EPHA6: variants seen among roughly 807,000 people sequenced by gnomAD.
EPHA6 encodes the protein ephrin type-A receptor 6.
EPHA6 carries 50 observed loss-of-function variants against 112.0 expected under a neutral mutation model. The ratio of observed to expected loss-of-function variants is 0.45; its 90% CI spans 0.36 to 0.56. The LOEUF (loss-of-function observed/expected upper bound fraction) is 0.56, where lower values mean the gene tolerates loss of function less well. Among genes scored for constraint, EPHA6 ranks in the 20% least tolerant of loss-of-function variants. The pLI is 0.00. For missense variants in EPHA6, 1,280 were observed against 1,417.4 expected, an observed-to-expected ratio of 0.90 and a Z score of 1.56; for synonymous variants, 529 against 490.7, an observed-to-expected ratio of 1.08 and a Z score of -1.03.
At chr3:96,897,155 ACTT>A (rs1479771601) in intron 2 of EPHA6, among the ~76,000 whole-genome samples, 1 of 152,010 alleles carries the variant, frequency 6.6e-6, no homozygotes, top group Non-Finnish European at 1.5e-5. Context: ...ATTTTATACT[ACTT>A]TTCAGGTAAA....
intron 10 of EPHA6, among the ~76,000 whole-genome samples, chr3:97,501,802 A>G (rs2092124508): frequency 6.6e-6 from 1 of 152,108 alleles, no homozygotes; most frequent in Admixed American, 6.5e-5. Context: ...AAGGGAATAA[A>G]AGAAAGTAGA....
intron 3 of EPHA6, among the ~76,000 whole-genome samples, chr3:97,064,907 C>A (rs879269924): frequency 3.9e-5 from 6 of 152,032 alleles, no homozygotes; most frequent in Non-Finnish European, 7.4e-5. Context: ...TCTCAGAAAG[C>A]AAATAAATGG....
At chr3:96,955,434 C>T (rs1178638131) in intron 2 of EPHA6, among the ~76,000 whole-genome samples, 1 of 152,136 alleles carries the variant, frequency 6.6e-6, no homozygotes, top group African/African-American at 2.4e-5. Flanking sequence ...TTATGGTTTT[C>T]ATTAATGGAT....
intron 1 of EPHA6, among the ~76,000 whole-genome samples, chr3:96,861,671 T>A (rs2036014856): frequency 6.6e-6 from 1 of 151,680 alleles, no homozygotes; most frequent in Non-Finnish European, 1.5e-5. Context: ...ATAGATAAAA[T>A]TAAAATAATG....
chr3:97,109,865 G>C (rs2047672836), intron 3 of EPHA6, among the ~76,000 whole-genome samples: 2 of 152,060 alleles, frequency 1.3e-5, no homozygotes, highest in Non-Finnish European at 1.5e-5. Context: ...ATTGTGACAA[G>C]TACAGAAGTG....
At chr3:97,187,700 A>T (rs551885352) in intron 3 of EPHA6, among the ~76,000 whole-genome samples, 1 of 130,466 alleles carries the variant, frequency 7.7e-6, no homozygotes, top group African/African-American at 3.0e-5. Context: ...AAAGAAAGAA[A>T]GAAAGAAAGA....
At chr3:96,822,226 T>C (rs2033315794) in intron 1 of EPHA6, among the ~76,000 whole-genome samples, 1 of 151,982 alleles carries the variant, frequency 6.6e-6, no homozygotes, top group African/African-American at 2.4e-5. Flanking sequence ...AGTTGAGCTT[T>C]TGTTCAAAAT....
intron 2 of EPHA6, among the ~76,000 whole-genome samples, chr3:96,972,685 G>A (rs2042363003): frequency 1.3e-5 from 2 of 151,968 alleles, no homozygotes; most frequent in Non-Finnish European, 2.9e-5. Context: ...GGATACATAC[G>A]CAAGCACACT....
At position 97,694,252 on chromosome 3, in the gene EPHA6, T is replaced by G. The variant is rs371316717; in HGVS notation, c.2785-26009T>G. ...TTTATTTCTTTTTCTTTTTTTTTTT[T>G]GAGATGGAGTCTCCCAGTTGTTGGC... is the stretch of plus-strand genomic sequence containing the variant. On this transcript the variant is annotated intron_variant, in intron 14 of 17. Transcript: ENST00000389672. 1.1e-4 allele frequency among the ~76,000 whole-genome samples: 17 copies of G among 150,888 alleles called. No individual in the cohort carries two copies. In the East Asian group the frequency reaches 1.2e-3, roughly 10 times the overall value.
intron 5 of EPHA6, among the ~76,000 whole-genome samples, chr3:97,250,347 A>G (rs2079100312): frequency 6.6e-6 from 1 of 152,100 alleles, no homozygotes; most frequent in African/African-American, 2.4e-5. Context: ...TTAATCCTAA[A>G]CTTGATTTTG....
At chr3:97,287,401 C>T (rs1353250350) in intron 5 of EPHA6, among the ~76,000 whole-genome samples, 2 of 151,686 alleles carry the variant, frequency 1.3e-5, no homozygotes, top group African/African-American at 2.4e-5. Flanking sequence ...GGAGGCGGAG[C>T]TTGCAGTGAG....
intron 14 of EPHA6, chr3:97,646,377 T>C: frequency 1.9e-6 from 2 of 1,070,124 alleles, no homozygotes; most frequent in Non-Finnish European, 2.5e-6. Flanking sequence ...TTGTCCACAT[T>C]TCAAAATACA....
At chr3:97,528,863 G>A (rs779682470) in intron 10 of EPHA6, among the ~76,000 whole-genome samples, 10 of 152,162 alleles carry the variant, frequency 6.6e-5, no homozygotes, top group Non-Finnish European at 1.2e-4. Flanking sequence ...GGGGTTATTA[G>A]CTAGTGAATG....
chr3:97,194,156 A>T (rs1321615405), intron 3 of EPHA6, among the ~76,000 whole-genome samples: 3 of 151,824 alleles, frequency 2.0e-5, no homozygotes, highest in African/African-American at 7.3e-5. Context: ...TTGTAGAGTT[A>T]GGCTGTTTAT....
intron 12 of EPHA6, among the ~76,000 whole-genome samples, chr3:97,595,870 C>T (rs2107365533): frequency 6.6e-6 from 1 of 151,256 alleles, no homozygotes; most frequent in South Asian, 2.1e-4. Context: ...AAGAATGTGT[C>T]CCTCTTTTAA....
At chr3:97,079,983 A>C (rs1159152000) in intron 3 of EPHA6, among the ~76,000 whole-genome samples, 2 of 151,946 alleles carry the variant, frequency 1.3e-5, no homozygotes, top group Non-Finnish European at 2.9e-5. Context: ...AATAGAATGC[A>C]CTGTAGTGTA....
intron 4 of EPHA6, among the ~76,000 whole-genome samples, chr3:97,240,171 T>C (rs1328380218): frequency 6.6e-6 from 1 of 151,852 alleles, no homozygotes; most frequent in Admixed American, 6.6e-5. Flanking sequence ...ATGAAATTCA[T>C]TGATACGTAT....
intron 5 of EPHA6, among the ~76,000 whole-genome samples, chr3:97,350,178 A>G (rs545105676): frequency 1.3e-5 from 2 of 152,236 alleles, no homozygotes; most frequent in Admixed American, 1.3e-4. Flanking sequence ...GAATATTAAC[A>G]GTGGTCTTGT....
intron 1 of EPHA6, among the ~76,000 whole-genome samples, chr3:96,835,729 C>G (rs1242246447): frequency 6.6e-6 from 1 of 151,992 alleles, no homozygotes; most frequent in East Asian, 1.9e-4. Context: ...GAGTCCCACC[C>G]AGATTTATCT....
Sources: allele counts gnomAD v4.1 joint callset (sites outside exome capture counted in the v4.1 genomes callset), GRCh38; gene constraint gnomAD v4.1.1; transcripts MANE v1.5; gene names NCBI Gene and HGNC (gene_info 2026-07-23, HGNC 2026-07-21).